The following CSGALNACT1 variants were observed in gnomAD, a reference collection of about 807,000 sequenced individuals.
CSGALNACT1 encodes chondroitin sulfate N-acetylgalactosaminyltransferase 1.
A neutral mutation model predicts 51.0 loss-of-function variants in CSGALNACT1; 52 were observed. The observed-to-expected ratio is 1.02, with a 90% CI of 0.82 to 1.29. The LOEUF (loss-of-function observed/expected upper bound fraction) is 1.29. CSGALNACT1 is among the 50% of genes most tolerant of loss of function. The probability of loss-of-function intolerance (pLI) is 0.00; values close to 1 mark genes in which losing one functional copy is unlikely to be tolerated. For synonymous variants in CSGALNACT1, 341 were observed against 254.4 expected (o/e 1.34, Z -3.24); for missense variants, 935 against 679.2 (o/e 1.38, Z -4.19).
At chr8:19,414,425 C>T (rs2056478218) in intron 8 of CSGALNACT1, among the ~76,000 whole-genome samples, 1 of 152,168 alleles carries the variant, frequency 6.6e-6, no homozygotes, top group Non-Finnish European at 1.5e-5. Flanking sequence ...AAATTATAGT[C>T]ATTCCTTTCT....
At chr8:19,457,337 G>T (rs2064318200) in intron 5 of CSGALNACT1, among the ~76,000 whole-genome samples, 1 of 152,152 alleles carries the variant, frequency 6.6e-6, no homozygotes, top group African/African-American at 2.4e-5. Context: ...TCAAGGCTGG[G>T]CACGGTGGCT....
intron 1 of CSGALNACT1, among the ~76,000 whole-genome samples, chr8:19,633,715 C>T (rs1304546382): frequency 6.6e-6 from 1 of 152,200 alleles, no homozygotes; most frequent in African/African-American, 2.4e-5. Context: ...CTTCTAACCT[C>T]CAGGACTGTG....
intron 3 of CSGALNACT1, among the ~76,000 whole-genome samples, chr8:19,554,180 G>C (rs2154086312): frequency 6.6e-6 from 1 of 152,232 alleles, no homozygotes; most frequent in Non-Finnish European, 1.5e-5. Flanking sequence ...TATCCTAAAG[G>C]GTTCCAAAGA....
intron 3 of CSGALNACT1, among the ~76,000 whole-genome samples, chr8:19,554,983 T>A (rs2089340982): frequency 6.6e-6 from 1 of 151,738 alleles, no homozygotes; most frequent in Non-Finnish European, 1.5e-5. Context: ...CTCATGCCTG[T>A]AATCCCAGCA....
chr8:19,670,753 T>C (rs982247043), intron 1 of CSGALNACT1, among the ~76,000 whole-genome samples: 2 of 151,764 alleles, frequency 1.3e-5, no homozygotes, highest in South Asian at 2.1e-4. Context: ...GTACAGCATA[T>C]GTGCTTAAAG....
At chr8:19,708,394 C>G (rs1186325553) in intron 1 of CSGALNACT1, among the ~76,000 whole-genome samples, 1 of 152,122 alleles carries the variant, frequency 6.6e-6, no homozygotes, top group East Asian at 1.9e-4. Context: ...TAACAGCTAC[C>G]CCAGATTTTA....
intron 4 of CSGALNACT1, among the ~76,000 whole-genome samples, chr8:19,467,943 G>C (rs557084915): frequency 3.3e-5 from 5 of 152,298 alleles, no homozygotes; most frequent in African/African-American, 1.2e-4. Context: ...CTGTGATTGC[G>C]CTGCTGCACT....
At chr8:19,635,512 G>GTGTCC (rs2055919805) in intron 1 of CSGALNACT1, among the ~76,000 whole-genome samples, 1 of 152,170 alleles carries the variant, frequency 6.6e-6, no homozygotes, top group Non-Finnish European at 1.5e-5. Context: ...GTGAACCTCG[G>GTGTCC]CTGCTTCTGT....
At chr8:19,635,403 G>A (rs1276051151) in intron 1 of CSGALNACT1, among the ~76,000 whole-genome samples, 1 of 152,312 alleles carries the variant, frequency 6.6e-6, no homozygotes, top group East Asian at 1.9e-4. Flanking sequence ...CCTGCCTACT[G>A]GTGTTTTTCC....
At chr8:19,666,793 AAGAAAGAAAGAAAGAAAGAGAGAGAGAG>A (rs1234686007) in intron 1 of CSGALNACT1, among the ~76,000 whole-genome samples, 1 of 35,694 alleles carries the variant, frequency 2.8e-5, no homozygotes, top group Non-Finnish European at 4.9e-5. Flanking sequence ...GAAAGAAAGA[AAGAAAGAAAGAAAGAAAGAGAGAGAGAG>A]AGAGAGAGAG....
intron 1 of CSGALNACT1, among the ~76,000 whole-genome samples, chr8:19,739,280 T>A (rs1355178070): frequency 6.6e-6 from 1 of 151,906 alleles, no homozygotes; most frequent in Non-Finnish European, 1.5e-5. Flanking sequence ...AACGTTCAAG[T>A]CAATGTATGA....
At chr8:19,670,673 A>AAG in intron 1 of CSGALNACT1, among the ~76,000 whole-genome samples, 1 of 146,840 alleles carries the variant, frequency 6.8e-6, no homozygotes, top group East Asian at 2.0e-4. Flanking sequence ...AAAAAAAAAA[A>AAG]GAGAAAATAG....
chr8:19,523,252 T>G (rs1368761884), intron 3 of CSGALNACT1, among the ~76,000 whole-genome samples: 1 of 152,126 alleles, frequency 6.6e-6, no homozygotes, highest in East Asian at 1.9e-4. Flanking sequence ...AACAGCATTA[T>G]CACACAGTAC....
chr8:19,451,844 T>C (rs4392916), intron 5 of CSGALNACT1, among the ~76,000 whole-genome samples: 71,006 of 152,094 alleles, frequency 0.47, 18,141 homozygotes, highest in East Asian at 0.86. Flanking sequence ...TGCAAGGCGA[T>C]AGGGCCCATC....
intron 1 of CSGALNACT1, among the ~76,000 whole-genome samples, chr8:19,657,260 G>GAAAGATAAACTA (rs1241741563): frequency 2.0e-5 from 3 of 146,472 alleles, no homozygotes; most frequent in African/African-American, 8.3e-5. Context: ...AAGATAAACT[G>GAAAGATAAACTA]AAAGATAAAC....
chr8:19,544,106 TGC>T (rs550089794), intron 3 of CSGALNACT1, among the ~76,000 whole-genome samples: 45 of 152,070 alleles, frequency 3.0e-4, no homozygotes, highest in African/African-American at 9.2e-4. Context: ...GTTGTTTTGC[TGC>T]TGTTTAGTTT....
chr8:19,597,690 C>G (rs565197550), intron 2 of CSGALNACT1, among the ~76,000 whole-genome samples: 1 of 152,160 alleles, frequency 6.6e-6, no homozygotes, highest in Non-Finnish European at 1.5e-5. Flanking sequence ...AGAGAAAATA[C>G]AGATGTTAAA....
intron 4 of CSGALNACT1, among the ~76,000 whole-genome samples, chr8:19,461,561 C>T (rs1159085766): frequency 1.3e-4 from 18 of 140,318 alleles, no homozygotes; most frequent in South Asian, 4.7e-4. Context: ...GGGGCGTATC[C>T]GCACAGCGGC....
In CSGALNACT1 at chr8:19,744,510, C is replaced by T. The variant is rs146964167; in HGVS notation, c.-297+13340G>A. 5.3e-3 allele frequency among the ~76,000 whole-genome samples: 809 copies of T among 152,258 alleles called. 6 individuals are homozygous for T. Among genetic ancestry groups the T allele is most frequent in the African/African-American group, 0.019 (776 of 41,542 alleles). On this transcript the variant is annotated intron_variant, in intron 1 of 1. Coordinates refer to the CSGALNACT1 transcript ENST00000517494. ...CTCCTTTTTATTACCTTCAAGAACA[C>T]GTAACATGTTGGAAGCCTTCCTGCC...
Sources: gnomAD v4.1 joint callset for allele counts (sites outside exome capture counted in the v4.1 genomes callset) on GRCh38, gnomAD v4.1.1 for gene constraint, MANE v1.5 for transcripts, NCBI Gene and HGNC (gene_info 2026-07-23, HGNC 2026-07-21) for gene names.